The following CENPE variants were observed in gnomAD, a reference collection of about 807,000 sequenced individuals.
CENPE encodes the protein centromere protein E.
In CENPE, 145 loss-of-function variants were observed where a neutral mutation model predicts 336.1. The ratio of observed to expected loss-of-function variants is 0.43; its 90% CI spans 0.38 to 0.50. The LOEUF is 0.50. Ranked by LOEUF, CENPE falls within the 20% of genes least tolerant of loss-of-function variation. The pLI is 0.00. For missense variants in CENPE, 2,719 were observed against 3,023.3 expected (o/e 0.90, Z 2.36); for synonymous variants, 1,013 against 984.8 (o/e 1.03, Z -0.54).
chr4:103,151,956 C>G (rs530101494), intron 25 of CENPE, among the ~76,000 whole-genome samples: 17 of 152,276 alleles, frequency 1.1e-4, no homozygotes, highest in Admixed American at 1.1e-3. Context: ...ATCCCCAAAA[C>G]TTATAAAATT....
intron 34 of CENPE, among the ~76,000 whole-genome samples, chr4:103,142,814 C>A (rs1752680149): frequency 6.6e-6 from 1 of 151,826 alleles, no homozygotes; most frequent in East Asian, 1.9e-4. Context: ...TCGAGACCAC[C>A]CTGGTCAACA....
chr4:103,157,059 C>CAAAAAAAAAAAAAAAAAA (rs34199706), intron 24 of CENPE, among the ~76,000 whole-genome samples: 1 of 98,038 alleles, frequency 1.0e-5, no homozygotes, highest in Non-Finnish European at 2.1e-5. Context: ...TGGCTACTAT[C>CAAAAAAAAAAAAAAAAAA]AAAAAAAAAA....
At chr4:103,143,557 C>G in intron 33 of CENPE, 151 bp from the exon 34 acceptor site, 3 of 603,690 alleles carry the variant, frequency 5.0e-6, no homozygotes, top group Non-Finnish European at 8.7e-6. Context: ...TCAATACATT[C>G]TAGATACACT....
intron 13 of CENPE, among the ~76,000 whole-genome samples, chr4:103,179,789 C>T (rs1756177665): frequency 6.6e-6 from 1 of 152,134 alleles, no homozygotes; most frequent in Non-Finnish European, 1.5e-5. Flanking sequence ...CTCCAGAGGT[C>T]ATTCTCTTAT....
chr4:103,163,103 T>C (rs760521842), intron 18 of CENPE, 34 bp downstream of exon 18: 2 of 1,577,208 alleles, frequency 1.3e-6, no homozygotes, highest in South Asian at 1.1e-5. Flanking sequence ...TATATATTTA[T>C]GTGATTACAC....
At chr4:103,166,073 A>T (rs1681498532) in intron 16 of CENPE, among the ~76,000 whole-genome samples, 1 of 152,230 alleles carries the variant, frequency 6.6e-6, no homozygotes, top group South Asian at 2.1e-4. Flanking sequence ...TATATTAATG[A>T]TGTGAGAAAA....
At chr4:103,118,784 T>C (rs1267382716) in intron 44 of CENPE, among the ~76,000 whole-genome samples, 1 of 152,188 alleles carries the variant, frequency 6.6e-6, no homozygotes, top group African/African-American at 2.4e-5. Context: ...ACTATCCTTT[T>C]CCCATTGAGA....
intron 8 of CENPE, among the ~76,000 whole-genome samples, chr4:103,191,220 A>G (rs1423921672): frequency 6.6e-6 from 1 of 152,236 alleles, no homozygotes; most frequent in Non-Finnish European, 1.5e-5. Context: ...TACTTCAGCC[A>G]TTGTGGAAGA....
Position 103,175,982 on chromosome 4 carries a change from G to A in CENPE, c.1457C>T (p.Pro486Leu). ...LDTLSEIEWN[P>L]ATKLLNQENI... is the part of the protein sequence containing the mutation. ...TACCTGATTTAGTAGCTTTGTTGCT[G>A]GATTCCATTCTATCTCACTTAATGT... The change falls in exon 15 of 49, where the codon CCA (proline) becomes CTA (leucine). Residue 486 changes from proline to leucine, a missense_variant. Around this residue, in one of 5 missense-constraint regions of CENPE, gnomAD observed 2,437 missense variants for 2,513.3 expected, o/e 0.97. Transcript: ENST00000265148. 1 of 1,600,256 alleles carries A rather than the reference G, an allele frequency of 6.2e-7. No homozygotes were observed. Among genetic ancestry groups the A allele is most frequent in the South Asian group, 1.1e-5 (1 of 89,644 alleles).
At chr4:103,186,973 A>C (rs1306475768) in intron 8 of CENPE, among the ~76,000 whole-genome samples, 1 of 152,212 alleles carries the variant, frequency 6.6e-6, no homozygotes, top group East Asian at 1.9e-4. Flanking sequence ...CAGTTGGTGA[A>C]GTGAAGACAG....
At chr4:103,160,214 C>A (rs2615538) in intron 21 of CENPE, among the ~76,000 whole-genome samples, 1 of 151,802 alleles carries the variant, frequency 6.6e-6, no homozygotes, top group African/African-American at 2.4e-5. Flanking sequence ...CACCAGCCTG[C>A]AAGGTTTGCA....
intron 11 of CENPE, 58 bp from the exon 12 acceptor site, chr4:103,181,514 TTAA>T (rs1414693668): frequency 7.2e-7 from 1 of 1,386,552 alleles, no homozygotes; most frequent in Admixed American, 2.7e-5. Context: ...TCGAATTTAA[TTAA>T]TAATATTTAG....
At chr4:103,118,381 T>A (rs1750324610) in intron 44 of CENPE, among the ~76,000 whole-genome samples, 1 of 152,234 alleles carries the variant, frequency 6.6e-6, no homozygotes, top group South Asian at 2.1e-4. Flanking sequence ...TAAGATTGAT[T>A]GGTTGTTTCC....
intron 32 of CENPE, 52 bp from the exon 33 acceptor site, chr4:103,144,670 A>G (rs771597098): frequency 9.6e-6 from 12 of 1,249,210 alleles, no homozygotes; most frequent in Non-Finnish European, 1.3e-5. Context: ...TTTTAGGAAA[A>G]GGAAGAACTG....
chr4:103,159,035 G>T lies in CENPE; in HGVS notation c.2576C>A (p.Ser859Ter). The T allele has an allele frequency of 6.5e-7, 1 of 1,533,750 alleles. No homozygotes were observed. Residue 859 changes from serine to a stop codon, truncating the protein, a stop_gained, in exon 22 of 49, where the codon TCG becomes TAG. Coordinates refer to ENST00000265148, the MANE Select transcript of CENPE (RefSeq NM_001813.3). LOFTEE classifies it high-confidence loss of function. ...CTCGGTCTTCAAAGCACCCAAACTC[G>T]AATCAAATTTTTGGGCTTCTTTAGA... Reference protein sequence around the residue: ...NLSKEAQKFDSSLGALKTELS... With the variant: ...NLSKEAQKFD
At chr4:103,186,709 A>C (rs1756799872) in intron 8 of CENPE, among the ~76,000 whole-genome samples, 1 of 152,206 alleles carries the variant, frequency 6.6e-6, no homozygotes, top group South Asian at 2.1e-4. Flanking sequence ...GACAAATAAG[A>C]AACATGTTGT....
chr4:103,177,114 A>G, intron 13 of CENPE, 68 bp from the exon 14 acceptor site: 1 of 1,314,514 alleles, frequency 7.6e-7, no homozygotes, highest in Non-Finnish European at 1.0e-6. Context: ...CAAGGGAACT[A>G]GTTTCTATTT....
intron 33 of CENPE, 117 bp from the exon 34 acceptor site, chr4:103,143,523 C>T (rs1752742993): frequency 1.2e-5 from 8 of 689,840 alleles, no homozygotes; most frequent in Admixed American, 1.1e-4. Flanking sequence ...TCCTAGTTCT[C>T]ACCCTCTAAG....
chr4:103,183,790 T>C (rs1352191871), intron 9 of CENPE, among the ~76,000 whole-genome samples: 1 of 149,708 alleles, frequency 6.7e-6, no homozygotes, highest in African/African-American at 2.6e-5. Flanking sequence ...ACCACTGTTA[T>C]TAGTTTTTTT....
Sources: gnomAD v4.1 joint callset for allele counts (sites outside exome capture counted in the v4.1 genomes callset) on GRCh38, gnomAD v4.1.1 for gene constraint, gnomAD v4.1.1 regional missense constraint, MANE v1.5 for transcripts, NCBI Gene and HGNC (gene_info 2026-07-23, HGNC 2026-07-21) for gene names.